The following ANKRD6 variants were observed in gnomAD, a reference collection of about 807,000 sequenced individuals.
ANKRD6 encodes ankyrin repeat domain 6.
ANKRD6 carries 56 observed loss-of-function variants against 82.3 expected under a neutral mutation model. The observed-to-expected ratio is 0.68, with a 90% CI of 0.55 to 0.85. ANKRD6 has a LOEUF of 0.85. Among genes scored for constraint, ANKRD6 ranks in the 40% least tolerant of loss-of-function variants. The probability of loss-of-function intolerance (pLI) is 0.00; values close to 1 mark genes in which losing one functional copy is unlikely to be tolerated. For missense variants in ANKRD6, 852 were observed against 907.6 expected (o/e 0.94, Z 0.79); for synonymous variants, 347 against 352.1 (o/e 0.99, Z 0.16).
intron 1 of ANKRD6, among the ~76,000 whole-genome samples, chr6:89,477,840 A>G (rs1190147730): frequency 6.6e-6 from 1 of 152,132 alleles, no homozygotes; most frequent in African/African-American, 2.4e-5. Flanking sequence ...TTAATTAAAA[A>G]AAAGAAAAAA....
At chr6:89,462,246 A>AATAATC (rs1268403424) in intron 1 of ANKRD6, among the ~76,000 whole-genome samples, 2 of 145,538 alleles carry the variant, frequency 1.4e-5, no homozygotes, top group Non-Finnish European at 3.0e-5. Flanking sequence ...TAATAATAAT[A>AATAATC]ATAATAATAA....
intron 9 of ANKRD6, 101 bp from the exon 10 acceptor site, chr6:89,621,821 C>CT: frequency 8.8e-7 from 1 of 1,131,026 alleles, no homozygotes. Flanking sequence ...ACCCTCTAAG[C>CT]TGTAAATTCC....
intron 9 of ANKRD6, among the ~76,000 whole-genome samples, chr6:89,618,814 A>G (rs1802269149): frequency 6.6e-6 from 1 of 152,158 alleles, no homozygotes; most frequent in African/African-American, 2.4e-5. Flanking sequence ...TGGAGGCATA[A>G]TATTATTTTT....
intron 1 of ANKRD6, among the ~76,000 whole-genome samples, chr6:89,477,821 A>G (rs909282815): frequency 6.6e-6 from 1 of 152,112 alleles, no homozygotes; most frequent in African/African-American, 2.4e-5. Context: ...CCAGTTGAAA[A>G]AAATTTTTTT....
At chr6:89,588,624 C>T (rs541406530) in intron 2 of ANKRD6, among the ~76,000 whole-genome samples, 1 of 152,180 alleles carries the variant, frequency 6.6e-6, no homozygotes, top group Non-Finnish European at 1.5e-5. Flanking sequence ...TTCCTTTATA[C>T]AACCTTTCCC....
chr6:89,560,969 A>T (rs1388201566), intron 1 of ANKRD6: 1 of 152,240 alleles, frequency 6.6e-6, no homozygotes, highest in African/African-American at 2.4e-5. Context: ...TTGCCAAGTG[A>T]TGGGAGTGCC....
At chr6:89,493,989 A>T (rs1778321579) in intron 1 of ANKRD6, among the ~76,000 whole-genome samples, 1 of 152,202 alleles carries the variant, frequency 6.6e-6, no homozygotes, top group African/African-American at 2.4e-5. Context: ...TTTATTCAGG[A>T]TTATCCTGCT....
intron 3 of ANKRD6, 105 bp downstream of exon 3, chr6:89,596,119 C>T (rs931778283): frequency 2.2e-5 from 21 of 971,622 alleles, no homozygotes; most frequent in Middle Eastern, 2.2e-4. Context: ...TAGATGCTCT[C>T]GCAGCACATT....
chr6:89,606,243 A>G, intron 5 of ANKRD6, 138 bp downstream of exon 5: 1 of 637,626 alleles, frequency 1.6e-6, no homozygotes, highest in South Asian at 2.7e-5. Flanking sequence ...CATTCGGCCC[A>G]GAAGTTTCAT....
intron 1 of ANKRD6, among the ~76,000 whole-genome samples, chr6:89,559,643 C>T (rs1015409146): frequency 6.6e-6 from 1 of 152,160 alleles, no homozygotes; most frequent in African/African-American, 2.4e-5. Flanking sequence ...TGGATCTTTA[C>T]CTAACAGGGG....
At chr6:89,438,153 C>T (rs533491025) in intron 1 of ANKRD6, among the ~76,000 whole-genome samples, 1 of 152,302 alleles carries the variant, frequency 6.6e-6, no homozygotes, top group African/African-American at 2.4e-5. Flanking sequence ...TTCACCGATA[C>T]AGGTATATTC....
chr6:89,476,609 C>T (rs549909427), intron 1 of ANKRD6, among the ~76,000 whole-genome samples: 1 of 152,206 alleles, frequency 6.6e-6, no homozygotes, highest in East Asian at 1.9e-4. Flanking sequence ...TAATTCAGTT[C>T]TTAATATTGA....
At chr6:89,461,269 T>G (rs1464784118) in intron 1 of ANKRD6, among the ~76,000 whole-genome samples, 2 of 152,174 alleles carry the variant, frequency 1.3e-5, no homozygotes, top group African/African-American at 4.8e-5. Context: ...GATTTACATA[T>G]ACCTTGGAAG....
At chr6:89,518,052 ATGGTT>A (rs1781432908) in intron 1 of ANKRD6, among the ~76,000 whole-genome samples, 1 of 152,252 alleles carries the variant, frequency 6.6e-6, no homozygotes, top group Non-Finnish European at 1.5e-5. Context: ...AAAAACTGAC[ATGGTT>A]CCTGTTTTCA....
At chr6:89,540,728 C>T (rs926959131) in intron 1 of ANKRD6, among the ~76,000 whole-genome samples, 1 of 152,136 alleles carries the variant, frequency 6.6e-6, no homozygotes, top group South Asian at 2.1e-4. Context: ...AGATTTTCCC[C>T]AGTGTTTCCT....
At chr6:89,618,123 C>T (rs1156488546) in intron 9 of ANKRD6, 92 bp downstream of exon 9, 6 of 1,374,566 alleles carry the variant, frequency 4.4e-6, no homozygotes, top group Non-Finnish European at 6.2e-6. Context: ...CCTCTTCAAA[C>T]TAACTTAAAT....
chr6:89,566,835 TCCCGAAGA>T lies in ANKRD6; in HGVS notation c.-141_-134del. On this transcript the variant is annotated splice_region_variant and 5_prime_UTR_variant, in exon 2 of 16. The change abolishes an upstream ATG in the 5' untranslated region. Coordinates refer to ENST00000339746, the MANE Select transcript of ANKRD6 (RefSeq NM_001242809.2). ...GCACCTTTGTTTTGTAACCCCTAGG[TCCCGAAGA>T]TGGCATATTCATAAAGACATCTTCT... The T allele has an allele frequency of 8.5e-7, 1 of 1,175,692 alleles. No homozygotes were observed. The highest frequency in any genetic ancestry group is 1.5e-5 in the African/African-American group (1 of 64,902). The allele number at this position is 1,175,692 out of a possible 1,614,324, so 72.8% of individuals were successfully genotyped here. A position where few individuals can be genotyped will look rare whatever the true frequency, so the allele number is the denominator to read the frequency against.
chr6:89,488,114 G>A (rs866410454), intron 1 of ANKRD6, among the ~76,000 whole-genome samples: 9 of 152,244 alleles, frequency 5.9e-5, no homozygotes, highest in South Asian at 2.1e-4. Context: ...CCCACCTGTC[G>A]TCTCTTTTTG....
At chr6:89,461,992 G>A (rs549263651) in intron 1 of ANKRD6, among the ~76,000 whole-genome samples, 1 of 152,226 alleles carries the variant, frequency 6.6e-6, no homozygotes, top group African/African-American at 2.4e-5. Context: ...AGCACTTTGG[G>A]AGGCCAAGGT....
Sources: gnomAD v4.1 joint callset for allele counts (sites outside exome capture counted in the v4.1 genomes callset) on GRCh38, gnomAD v4.1.1 for gene constraint, MANE v1.5 for transcripts, NCBI Gene and HGNC (gene_info 2026-07-23, HGNC 2026-07-21) for gene names.